Variants in GPSM1 observed in about 807,000 individuals in gnomAD.
GPSM1 encodes the protein G protein-signaling modulator 1.
GPSM1 carries 48 observed loss-of-function variants against 70.5 expected under a neutral mutation model. The observed-to-expected ratio is 0.68, with a 90% CI of 0.54 to 0.87. The LOEUF (loss-of-function observed/expected upper bound fraction) is 0.87. GPSM1 is among the 40% of genes least tolerant of loss of function. The pLI, the probability that GPSM1 is intolerant of heterozygous loss-of-function variation, is 0.00. For missense variants in GPSM1, 981 were observed against 972.6 expected (o/e 1.01, Z -0.11); for synonymous variants, 416 against 430.1 (o/e 0.97, Z 0.41).
rs1832311775 is a variant in GPSM1, at chr9:136,338,673, CT to C, written c.938del (p.Leu313ArgfsTer37). The part of the protein sequence containing the change: ...QDYERAAEYH[L>X]RHLLIAQELA... ...CTACGAGCGCGCGGCCGAGTACCAC[CT>C]GCGGCACCTGCTCATTGCCCAGGAG... On this transcript the variant is annotated frameshift_variant, in exon 7 of 14. Transcript: ENST00000440944. LOFTEE classifies it high-confidence loss of function. The C allele has an allele frequency of 6.4e-7, 1 of 1,570,482 alleles. No homozygotes were observed. Among genetic ancestry groups the C allele is most frequent in the Non-Finnish European group, 8.6e-7 (1 of 1,159,438 alleles).
chr9:136,349,888 C>A, intron 11 of GPSM1, 125 bp downstream of exon 11: 1 of 849,450 alleles, frequency 1.2e-6, no homozygotes, highest in Non-Finnish European at 1.8e-6. Context: ...GGGGTCCCTC[C>A]CCGGTGCACC....
At position 136,342,855 on chromosome 9, in the gene GPSM1, G is replaced by GGCAGGGA. The variant is rs1832427900; in HGVS notation, c.1207+1864_1207+1870dup. ...GGAGGGCGCTGCCCAGCGGGGTGTGGGCAGGGAGGAGGAAGTCGTCTGGAG... is the reference window on the plus strand; with the variant it reads ...GGAGGGCGCTGCCCAGCGGGGTGTGGGCAGGGAGCAGGGAGGAGGAAGTCGTCTGGAG... On this transcript the variant is annotated intron_variant, in intron 9 of 13. Coordinates refer to ENST00000440944, the MANE Select transcript of GPSM1 (RefSeq NM_001145638.3). The surrounding 1 kb of genome is among the most constrained non-coding windows in gnomAD (Gnocchi z 5.5). Among the ~76,000 whole-genome samples, 1 of 152,034 alleles carries GGCAGGGA rather than the reference G, an allele frequency of 6.6e-6. No individual in the cohort carries two copies. The highest frequency in any genetic ancestry group is 2.1e-4 in the South Asian group (1 of 4,828).
At chr9:136,345,143 CTGCCCTG>C (rs1554771046) in intron 9 of GPSM1, among the ~76,000 whole-genome samples, 4 of 152,302 alleles carry the variant, frequency 2.6e-5, no homozygotes, top group African/African-American at 9.6e-5. Flanking sequence ...GGGGCGGGTG[CTGCCCTG>C]AGGGGTCCGG....
intron 11 of GPSM1, among the ~76,000 whole-genome samples, chr9:136,352,283 CG>C (rs1832692527): frequency 7.2e-6 from 1 of 138,088 alleles, no homozygotes; most frequent in Non-Finnish European, 1.6e-5. Flanking sequence ...TTGGTGACAC[CG>C]ATGCTGCGCC....
At chr9:136,346,635 A>G (rs1447623407) in intron 9 of GPSM1, among the ~76,000 whole-genome samples, 2 of 152,210 alleles carry the variant, frequency 1.3e-5, no homozygotes, top group Admixed American at 1.3e-4. Context: ...GCAGCCCCCC[A>G]GCAAGACCCA....
At chr9:136,328,810 G>A (rs953754118) in intron 1 of GPSM1, among the ~76,000 whole-genome samples, 5 of 152,176 alleles carry the variant, frequency 3.3e-5, no homozygotes, top group Non-Finnish European at 5.9e-5. Context: ...GGGGAGGGGC[G>A]TGAGGGTGAT....
intron 12 of GPSM1, 58 bp from the exon 13 acceptor site, chr9:136,356,284 C>T (rs1043929142): frequency 2.4e-5 from 32 of 1,318,922 alleles, no homozygotes; most frequent in Middle Eastern, 2.2e-4. Context: ...GGCCGCAGCC[C>T]GAGCCTCGGG....
At chr9:136,344,617 G>A (rs368193877) in intron 9 of GPSM1, among the ~76,000 whole-genome samples, 4 of 152,346 alleles carry the variant, frequency 2.6e-5, no homozygotes, top group East Asian at 3.9e-4. Flanking sequence ...CCATCCCATG[G>A]GGAGTTAGGG....
rs370450373 is a variant in GPSM1, at chr9:136,342,103, G to A, written c.1207+1110G>A. ...CAGCGAGTCCGTGGGACAAGGTGCTGTGACCGATGGCAGTGGGTGGGTAGG... is the reference window on the plus strand; with the variant it reads ...CAGCGAGTCCGTGGGACAAGGTGCTATGACCGATGGCAGTGGGTGGGTAGG... On this transcript the variant is annotated intron_variant, in intron 9 of 13. Coordinates refer to ENST00000440944, the MANE Select transcript of GPSM1 (RefSeq NM_001145638.3). This position sits in a 1 kb window ranked among gnomAD's most constrained non-coding sequence, Gnocchi z 5.5. Among the ~76,000 whole-genome samples the A allele has an allele frequency of 6.6e-6, 1 of 152,164 alleles. No individual in the cohort carries two copies. The highest frequency in any genetic ancestry group is 2.1e-4 in the South Asian group (1 of 4,808).
chr9:136,344,625 G>C (rs920056422), intron 9 of GPSM1, among the ~76,000 whole-genome samples: 1 of 152,232 alleles, frequency 6.6e-6, no homozygotes, highest in Non-Finnish European at 1.5e-5. Context: ...TGGGGAGTTA[G>C]GGCTTTGATC....
rs1832910214 is a variant in GPSM1 at position 136,358,547 on chromosome 9, G to A, written c.*327G>A. 2.1e-6 allele frequency: 1 copy of A among 470,278 alleles called. No homozygotes were observed. Among genetic ancestry groups the A allele is most frequent in the Non-Finnish European group, 3.8e-6 (1 of 266,236 alleles). 29.1% of individuals were successfully genotyped at this position (470,278 alleles called of 1,614,324 possible). A position where few individuals can be genotyped will look rare whatever the true frequency, so the allele number is the denominator to read the frequency against. ...AGCCCTTCCCGTTCTGCCCTGCCCTGCCAAATGTGAAACCCTGCTGTCTCC... is the reference window on the plus strand; with the variant it reads ...AGCCCTTCCCGTTCTGCCCTGCCCTACCAAATGTGAAACCCTGCTGTCTCC... On this transcript the variant is annotated 3_prime_UTR_variant, in exon 14 of 14. Coordinates refer to ENST00000440944, the MANE Select transcript of GPSM1 (RefSeq NM_001145638.3).
At chr9:136,349,346 T>C (rs940182683) in intron 10 of GPSM1, among the ~76,000 whole-genome samples, 4 of 152,246 alleles carry the variant, frequency 2.6e-5, no homozygotes, top group Admixed American at 6.5e-5. Context: ...CCACAGTCAC[T>C]GTCATTGCTG....
chr9:136,338,778 G>A (rs1011261996), intron 7 of GPSM1, 68 bp downstream of exon 7: 273 of 1,439,196 alleles, frequency 1.9e-4, no homozygotes, highest in African/African-American at 5.1e-4. Context: ...CGGCCCAGGC[G>A]AGGTGGCCTG....
At chr9:136,333,314 G>A (rs1389510882) in intron 1 of GPSM1, among the ~76,000 whole-genome samples, 1 of 152,232 alleles carries the variant, frequency 6.6e-6, no homozygotes, top group African/African-American at 2.4e-5. Flanking sequence ...ACCCAGGGCA[G>A]CGCAGCAGCC....
At position 136,340,762 on chromosome 9, in the gene GPSM1, C is replaced by T. The variant is rs1027957798; in HGVS notation, c.1084-108C>T. 3 of 1,425,754 alleles carry T rather than the reference C, an allele frequency of 2.1e-6. No individual in the cohort carries two copies. The highest frequency in any genetic ancestry group is 1.4e-5 in the South Asian group (1 of 69,466). The allele number at this position is 1,425,754 out of a possible 1,614,324, so 88.3% of individuals were successfully genotyped here. ...CCAGGGGTCAGTGACCAGTTCAGGTCACTCAGAAGGTCAGGGACGGGTGTA... is the reference window on the plus strand; with the variant it reads ...CCAGGGGTCAGTGACCAGTTCAGGTTACTCAGAAGGTCAGGGACGGGTGTA... On this transcript the variant is annotated intron_variant, in intron 8 of 13. Coordinates refer to ENST00000440944, the MANE Select transcript of GPSM1 (RefSeq NM_001145638.3). The surrounding 1 kb of genome is among the most constrained non-coding windows in gnomAD (Gnocchi z 7.3).
chr9:136,356,300 C>T, intron 12 of GPSM1, 42 bp from the exon 13 acceptor site: 2 of 1,428,842 alleles, frequency 1.4e-6, no homozygotes, highest in South Asian at 1.4e-5. Context: ...TCGGGCTTGA[C>T]CCCGCACTGG....
At chr9:136,327,828 G>T (rs1325047019) in intron 1 of GPSM1, 65 bp downstream of exon 1, 97 of 590,090 alleles carry the variant, frequency 1.6e-4, no homozygotes, top group Non-Finnish European at 2.2e-4. Context: ...GTCGGGACGC[G>T]GGGGAGGCTG....
In GPSM1 at chr9:136,334,654, C is replaced by A; in HGVS notation, c.276C>A (p.Asp92Glu). Residue 92 changes from aspartate (D) to glutamate (E), a missense_variant, in exon 2 of 14, where the codon GAC (aspartate) becomes GAA (glutamate). Coordinates refer to ENST00000440944, the MANE Select transcript of GPSM1 (RefSeq NM_001145638.3). ...GGGCGCTGGAATACCACAAGCATGA[C>A]CTCCTGCTGGCGCGGTGAGTGGGGA... ...HGRALEYHKH[D>E]LLLARTIGDR... 6.2e-7 allele frequency: 1 copy of A among 1,611,314 alleles called. No homozygotes were observed. Among genetic ancestry groups the A allele is most frequent in the Non-Finnish European group, 8.5e-7 (1 of 1,179,554 alleles).
At position 136,356,337 on chromosome 9, in the gene GPSM1, C is replaced by CG; in HGVS notation, c.1613-4dup. On this transcript the variant is annotated splice_region_variant and splice_polypyrimidine_tract_variant and intron_variant, in intron 12 of 13. Transcript: ENST00000440944. ...TCCCAGGTCTCACCCTCTGGCCCCCCGCAGCCCAGCCCTCGATGACGGCCT... is the reference window on the plus strand; with the variant it reads ...TCCCAGGTCTCACCCTCTGGCCCCCCGGCAGCCCAGCCCTCGATGACGGCCT... 6.4e-7 allele frequency: 1 copy of CG among 1,566,344 alleles called. No homozygotes were observed. Among genetic ancestry groups the CG allele is most frequent in the Non-Finnish European group, 8.7e-7 (1 of 1,154,794 alleles).
Sources: allele counts gnomAD v4.1 joint callset (sites outside exome capture counted in the v4.1 genomes callset), GRCh38; gene constraint gnomAD v4.1.1; non-coding constraint Gnocchi (gnomAD v3.1); transcripts MANE v1.5; gene names NCBI Gene and HGNC (gene_info 2026-07-23, HGNC 2026-07-21).